Variants in TMEM71 observed in about 807,000 individuals in gnomAD.
The protein encoded by TMEM71 is transmembrane protein 71.
TMEM71 carries 44 observed loss-of-function variants against 38.0 expected under a neutral mutation model. The ratio of observed to expected loss-of-function variants is 1.16; its 90% CI spans 0.91 to 1.49. TMEM71 has a LOEUF of 1.49. TMEM71 is among the 40% of genes most tolerant of loss of function. The pLI, the probability that TMEM71 is intolerant of heterozygous loss-of-function variation, is 0.00. For missense variants in TMEM71, 367 were observed against 348.6 expected (o/e 1.05, Z -0.42); for synonymous variants, 133 against 122.5 (o/e 1.09, Z -0.56).
intron 5 of TMEM71, among the ~76,000 whole-genome samples, chr8:132,738,767 C>T (rs957440236): frequency 2.6e-5 from 4 of 152,146 alleles, no homozygotes; most frequent in Admixed American, 1.3e-4. Flanking sequence ...ACTAGAATCA[C>T]TCAATTTAAG....
the TMEM71 span, among the ~76,000 whole-genome samples, chr8:132,765,763 T>C: frequency 1.3e-5 from 2 of 150,924 alleles, no homozygotes; most frequent in African/African-American, 4.9e-5. Flanking sequence ...CACATCTTTT[T>C]ATTATTATTA....
chr8:132,761,357 A>C (rs1401363454), upstream of TMEM71, among the ~76,000 whole-genome samples: 1 of 152,222 alleles, frequency 6.6e-6, no homozygotes, highest in Admixed American at 6.5e-5. Flanking sequence ...AAAAATATAT[A>C]TGTCATATGA....
intron 5 of TMEM71, among the ~76,000 whole-genome samples, chr8:132,737,793 T>C (rs1041369636): frequency 6.6e-6 from 1 of 152,238 alleles, no homozygotes; most frequent in African/African-American, 2.4e-5. Flanking sequence ...ACCGCTCCTT[T>C]CTTCTCATTC....
Position 132,714,034 on chromosome 8 carries a change from A to C in TMEM71, c.833T>G (p.Leu278Arg). 1.2e-6 allele frequency: 2 copies of C among 1,614,106 alleles called. No homozygotes were observed. The highest frequency in any genetic ancestry group is 1.7e-6 in the Non-Finnish European group (2 of 1,179,952). ...ITVAYVKSLF[L>R]SLASYFKTTA... Reference sequence around the variant, plus strand: ...GGTTTTGAAATAGCTGGCAAGGCTGAGAAACAATGATTTCACATCTTGAGT... The same window carrying C: ...GGTTTTGAAATAGCTGGCAAGGCTGCGAAACAATGATTTCACATCTTGAGT... The change falls in exon 9 of 10, where the codon CTC (leucine) becomes CGC (arginine). Residue 278 changes from leucine (L) to arginine (R), a missense_variant. Transcript: ENST00000677595.
chr8:132,710,566 C>T lies in TMEM71; in HGVS notation c.*401G>A. On this transcript the variant is annotated 3_prime_UTR_variant, in exon 10 of 10. Transcript: ENST00000677595. ...CTCTCATTATTCTATTAAAGCAATT[C>T]AGCAAGAGATAGGTGCATGTGGCAG... 1 of 389,396 alleles carries T rather than the reference C, an allele frequency of 2.6e-6. No individual in the cohort carries two copies. Among genetic ancestry groups the T allele is most frequent in the Non-Finnish European group, 4.5e-6 (1 of 221,120 alleles). 24.1% of individuals were successfully genotyped at this position (389,396 alleles called of 1,614,324 possible). A position where few individuals can be genotyped will look rare whatever the true frequency, so the allele number is the denominator to read the frequency against.
chr8:132,730,259 TG>T (rs1208391392), intron 5 of TMEM71, among the ~76,000 whole-genome samples: 2 of 152,094 alleles, frequency 1.3e-5, no homozygotes, highest in Non-Finnish European at 2.9e-5. Context: ...TGCCTGGCCT[TG>T]AGTTAAAATT....
intron 5 of TMEM71, among the ~76,000 whole-genome samples, chr8:132,731,823 A>G (rs1254524707): frequency 1.3e-5 from 2 of 152,232 alleles, no homozygotes; most frequent in Admixed American, 1.3e-4. Context: ...CCAGTTAACA[A>G]ATAGAAACTT....
chr8:132,770,362 C>T, the TMEM71 span, among the ~76,000 whole-genome samples: 3 of 152,198 alleles, frequency 2.0e-5, no homozygotes, highest in African/African-American at 4.8e-5. Context: ...TCATTCCCAT[C>T]GCTCAGTCCA....
chr8:132,765,761 T>TTTA, the TMEM71 span, among the ~76,000 whole-genome samples: 1 of 151,072 alleles, frequency 6.6e-6, no homozygotes, highest in South Asian at 2.1e-4. Flanking sequence ...AACACATCTT[T>TTTA]TTATTATTAT....
chr8:132,748,210 G>C (rs76488684), intron 4 of TMEM71, among the ~76,000 whole-genome samples: 1 of 152,348 alleles, frequency 6.6e-6, no homozygotes, highest in Non-Finnish European at 1.5e-5. Flanking sequence ...GCTATCAGAA[G>C]ATGCATTTTG....
the TMEM71 span, among the ~76,000 whole-genome samples, chr8:132,769,130 T>C: frequency 6.6e-6 from 1 of 152,248 alleles, no homozygotes; most frequent in Non-Finnish European, 1.5e-5. Flanking sequence ...ATATTTTCAT[T>C]TGTCAGTTCT....
chr8:132,763,736 G>A (rs765982506), upstream of TMEM71, among the ~76,000 whole-genome samples: 1 of 152,154 alleles, frequency 6.6e-6, no homozygotes, highest in East Asian at 1.9e-4. Flanking sequence ...TGTTGCAAAC[G>A]TTCATGTGTT....
intron 3 of TMEM71, among the ~76,000 whole-genome samples, chr8:132,753,882 T>C (rs1009559548): frequency 4.6e-5 from 7 of 152,196 alleles, no homozygotes; most frequent in Admixed American, 1.3e-4. Context: ...TTCTTTCCCT[T>C]CCTTTTCTGT....
At chr8:132,718,420 CAG>C (rs1290611094) in intron 7 of TMEM71, among the ~76,000 whole-genome samples, 12 of 120,196 alleles carry the variant, frequency 1.0e-4, no homozygotes, top group African/African-American at 4.5e-4. Flanking sequence ...TTTTTTGAGA[CAG>C]AGTCTCGCTC....
At chr8:132,740,578 AT>A (rs1158463425) in intron 5 of TMEM71, among the ~76,000 whole-genome samples, 1 of 152,226 alleles carries the variant, frequency 6.6e-6, no homozygotes, top group African/African-American at 2.4e-5. Context: ...TTCCAAATGA[AT>A]TCATAAATGA....
At chr8:132,714,657 G>C (rs1415203814) in intron 7 of TMEM71, among the ~76,000 whole-genome samples, 1 of 152,132 alleles carries the variant, frequency 6.6e-6, no homozygotes, top group African/African-American at 2.4e-5. Flanking sequence ...TTGGCAATGA[G>C]TTTTAAAATG....
the TMEM71 span, chr8:132,775,406 AGGCGGCGGCGGCGGC>A: frequency 7.8e-6 from 3 of 382,652 alleles, no homozygotes; most frequent in East Asian, 3.9e-5. Flanking sequence ...CCGGCGGCGG[AGGCGGCGGCGGCGGC>A]GGCGATGGCA....
At chr8:132,762,812 T>C (rs1323388142), upstream of TMEM71, among the ~76,000 whole-genome samples, 1 of 152,196 alleles carries the variant, frequency 6.6e-6, no homozygotes, top group Admixed American at 6.5e-5. Context: ...TGTGTCAGCA[T>C]TTTCTACAAA....
chr8:132,742,022 G>A (rs1401286648), intron 5 of TMEM71, among the ~76,000 whole-genome samples: 1 of 152,220 alleles, frequency 6.6e-6, no homozygotes, highest in South Asian at 2.1e-4. Flanking sequence ...TGGTGGCCCT[G>A]TCTGGGCATA....
Sources: allele counts gnomAD v4.1 joint callset (sites outside exome capture counted in the v4.1 genomes callset), GRCh38; gene constraint gnomAD v4.1.1; transcripts MANE v1.5; gene names NCBI Gene and HGNC (gene_info 2026-07-23, HGNC 2026-07-21).